RIMKLB: variants seen among roughly 807,000 people sequenced by gnomAD.
The protein encoded by RIMKLB is ribosomal modification protein rimK like family member B.
RIMKLB carries 7 observed loss-of-function variants against 32.0 expected under a neutral mutation model. The observed-to-expected ratio is 0.22, with a 90% CI of 0.12 to 0.41. The LOEUF (loss-of-function observed/expected upper bound fraction) is 0.41, where lower values mean the gene tolerates loss of function less well. Ranked by LOEUF, RIMKLB falls within the 10% of genes least tolerant of loss-of-function variation. The pLI, the probability that RIMKLB is intolerant of heterozygous loss-of-function variation, is 1.00. For synonymous variants in RIMKLB, 172 were observed against 185.1 expected (o/e 0.93, Z 0.57); for missense variants, 289 against 498.7 (o/e 0.58, Z 4.00).
At chr12:8,683,646 C>A (rs1295578294) in intron 1 of RIMKLB, among the ~76,000 whole-genome samples, 1 of 152,136 alleles carries the variant, frequency 6.6e-6, no homozygotes, top group African/African-American at 2.4e-5. Context: ...AAATAATATG[C>A]CTTTTCCAGA....
chr12:8,774,830 C>G lies in RIMKLB; in HGVS notation c.*1046C>G, dbSNP rs191151954. 4.1e-6 allele frequency: 4 copies of G among 985,382 alleles called. No homozygotes were observed. In the African/African-American group the frequency reaches 7.0e-5, roughly 17 times the overall value. The allele number at this position is 985,382 out of a possible 1,614,324, so 61.0% of individuals were successfully genotyped here. ...TATAAAGCTGAAGTGATTTCGAATG[C>G]CAGCGTTATATATTTGCATTTTTCA... On this transcript the variant is annotated 3_prime_UTR_variant, in exon 6 of 6. Coordinates refer to ENST00000535829, the MANE Select transcript of RIMKLB (RefSeq NM_001297776.2).
chr12:8,716,873 A>G (rs764759631), intron 2 of RIMKLB, among the ~76,000 whole-genome samples: 248 of 150,518 alleles, frequency 1.6e-3, no homozygotes, highest in African/African-American at 5.8e-3. Context: ...TTCTTTTTCA[A>G]AATTGTGTTT....
At chr12:8,765,265 T>G (rs1431053185) in intron 5 of RIMKLB, among the ~76,000 whole-genome samples, 1 of 152,092 alleles carries the variant, frequency 6.6e-6, no homozygotes, top group Non-Finnish European at 1.5e-5. Context: ...TTTTCCTTAG[T>G]CCTTCTAGCA....
rs553510075 is a variant in RIMKLB at position 8,750,863 on chromosome 12, T to C, written c.406+771T>C. ...GTATTTCCTGCCTTTAATTTTCTTG[T>C]TTGGAAAAGATCAAACTTAAATCAG... On this transcript the variant is annotated intron_variant, in intron 3 of 5. Coordinates refer to ENST00000535829, the MANE Select transcript of RIMKLB (RefSeq NM_001297776.2). Among the ~76,000 whole-genome samples the C allele has an allele frequency of 6.0e-5, 9 of 151,152 alleles. 1 individual carries two copies. The highest frequency in any genetic ancestry group is 2.2e-4 in the African/African-American group (9 of 40,442).
rs1950759768 is a variant in RIMKLB, at chr12:8,776,917, T to C, written c.*3133T>C. On this transcript the variant is annotated 3_prime_UTR_variant, in exon 6 of 6. Coordinates refer to ENST00000535829, the MANE Select transcript of RIMKLB (RefSeq NM_001297776.2). ...GCAATGGAGAAGCAAATTTGTTTCA[T>C]TCAGTGAATCCCCAGTTTGGGGCTT... 1 of 985,738 alleles carries C rather than the reference T, an allele frequency of 1.0e-6. No individual in the cohort carries two copies. Among genetic ancestry groups the C allele is most frequent in the Non-Finnish European group, 1.2e-6 (1 of 829,910 alleles). The allele number at this position is 985,738 out of a possible 1,614,324, so 61.1% of individuals were successfully genotyped here.
At chr12:8,682,234 C>A (rs753684197) in intron 1 of RIMKLB, among the ~76,000 whole-genome samples, 2 of 152,264 alleles carry the variant, frequency 1.3e-5, no homozygotes, top group South Asian at 2.1e-4. Context: ...AATCGGGACA[C>A]GAGAGGGCAA....
intron 1 of RIMKLB, among the ~76,000 whole-genome samples, chr12:8,712,185 C>T (rs11046887): frequency 0.073 from 11,042 of 152,002 alleles, 1,292 homozygotes; most frequent in African/African-American, 0.25. Context: ...CTTTTTTGTG[C>T]GCGTGAGACG....
chr12:8,698,476 C>T (rs1943057408), intron 1 of RIMKLB, among the ~76,000 whole-genome samples, 179 bp downstream of exon 1: 1 of 151,822 alleles, frequency 6.6e-6, no homozygotes, highest in African/African-American at 2.4e-5. Context: ...CGCCGCTCCG[C>T]GGAGTCGGTG....
downstream of RIMKLB, among the ~76,000 whole-genome samples, chr12:8,781,884 G>A: frequency 6.6e-6 from 1 of 151,620 alleles, no homozygotes; most frequent in African/African-American, 2.4e-5. Flanking sequence ...AAATTTATAA[G>A]ATGCAGACCT....
intron 2 of RIMKLB, among the ~76,000 whole-genome samples, chr12:8,716,403 C>T (rs1944832960): frequency 6.7e-6 from 1 of 149,612 alleles, no homozygotes; most frequent in Non-Finnish European, 1.5e-5. Flanking sequence ...ACCTTTCTCC[C>T]ATTAACCTAG....
At chr12:8,771,284 A>C (rs1281831538) in intron 5 of RIMKLB, among the ~76,000 whole-genome samples, 1 of 152,142 alleles carries the variant, frequency 6.6e-6, no homozygotes, top group Non-Finnish European at 1.5e-5. Context: ...GGTATGGGGC[A>C]GGACCTCATC....
intron 2 of RIMKLB, among the ~76,000 whole-genome samples, chr12:8,749,661 G>A (rs180744895): frequency 1.3e-5 from 2 of 152,144 alleles, no homozygotes; most frequent in African/African-American, 4.8e-5. Context: ...GTAATTCATT[G>A]TAGTGATGTG....
At chr12:8,702,050 T>TGGTATTTAATATTAAAATACCA (rs1943453094) in intron 1 of RIMKLB, among the ~76,000 whole-genome samples, 1 of 152,118 alleles carries the variant, frequency 6.6e-6, no homozygotes, top group Non-Finnish European at 1.5e-5. Flanking sequence ...CCCATTTGCC[T>TGGTATTTAATATTAAAATACCA]GGTATTTAAT....
At chr12:8,772,329 T>G (rs982593154) in intron 5 of RIMKLB, among the ~76,000 whole-genome samples, 4 of 152,254 alleles carry the variant, frequency 2.6e-5, no homozygotes, top group African/African-American at 9.6e-5. Context: ...TGTTTTTGTT[T>G]TAACTTCAGA....
At chr12:8,679,322 A>G (rs1350360610), upstream of RIMKLB, among the ~76,000 whole-genome samples, 1 of 152,088 alleles carries the variant, frequency 6.6e-6, no homozygotes, top group Non-Finnish European at 1.5e-5. Flanking sequence ...AGCTGGGATT[A>G]CAGGCACCCG....
chr12:8,690,655 T>C (rs2136570386), intron 1 of RIMKLB, among the ~76,000 whole-genome samples: 1 of 152,368 alleles, frequency 6.6e-6, no homozygotes, highest in East Asian at 1.9e-4. Context: ...CCAGGTGCAG[T>C]GGCTCACGCC....
chr12:8,702,395 C>T (rs879266530), intron 1 of RIMKLB, among the ~76,000 whole-genome samples: 1 of 152,208 alleles, frequency 6.6e-6, no homozygotes, highest in East Asian at 1.9e-4. Flanking sequence ...AATTTTACTA[C>T]CTTTTATTTC....
chr12:8,721,111 T>C (rs181860231), intron 2 of RIMKLB, among the ~76,000 whole-genome samples: 2 of 152,194 alleles, frequency 1.3e-5, no homozygotes, highest in Non-Finnish European at 2.9e-5. Context: ...TTGATGAAGA[T>C]CTCTTTATAG....
intron 5 of RIMKLB, among the ~76,000 whole-genome samples, chr12:8,755,159 C>T (rs1948915799): frequency 6.6e-6 from 1 of 152,158 alleles, no homozygotes; most frequent in African/African-American, 2.4e-5. Flanking sequence ...ACCATGTTGA[C>T]CAGGCTGGTC....
Sources: gnomAD v4.1 joint callset for allele counts (sites outside exome capture counted in the v4.1 genomes callset) on GRCh38, gnomAD v4.1.1 for gene constraint, MANE v1.5 for transcripts, NCBI Gene and HGNC (gene_info 2026-07-23, HGNC 2026-07-21) for gene names.